GPR39: variants seen among roughly 807,000 people sequenced by gnomAD.
The protein encoded by GPR39 is G protein-coupled receptor 39, also known as zinc sensing receptor.
In GPR39, 23 loss-of-function variants were observed where a neutral mutation model predicts 18.4. The ratio of observed to expected loss-of-function variants is 1.25; its 90% CI spans 0.90 to 1.77. GPR39 has a LOEUF of 1.77. Ranked by LOEUF, GPR39 falls within the 40% of genes most tolerant of loss-of-function variation. The pLI is 0.00. For synonymous variants in GPR39, 280 were observed against 257.9 expected, an observed-to-expected ratio of 1.09 and a Z score of -0.82; for missense variants, 647 against 602.4, an observed-to-expected ratio of 1.07 and a Z score of -0.78.
At position 132,450,914 on chromosome 2, in the gene GPR39, TA is replaced by T. The variant is rs1680620013; in HGVS notation, c.856+33017del. ...TGGTGAAAGGTGCCTGAGTTTTCCTTAGCAACCTAATTCTGTTTGCCTTATG... is the reference window on the plus strand; with the variant it reads ...TGGTGAAAGGTGCCTGAGTTTTCCTTGCAACCTAATTCTGTTTGCCTTATG... On this transcript the variant is annotated intron_variant, in intron 1 of 1. Transcript: ENST00000329321. Among the ~76,000 whole-genome samples, 3 of 152,226 alleles carry T rather than the reference TA, an allele frequency of 2.0e-5. No homozygotes were observed. In the South Asian group the frequency reaches 6.2e-4, roughly 32 times the overall value.
chr2:132,616,962 C>A (rs1681347033), intron 1 of GPR39, among the ~76,000 whole-genome samples: 1 of 152,234 alleles, frequency 6.6e-6, no homozygotes, highest in African/African-American at 2.4e-5. Flanking sequence ...AACACAAATG[C>A]ACCAACACAA....
intron 1 of GPR39, among the ~76,000 whole-genome samples, chr2:132,593,494 C>T (rs1025810632): frequency 6.6e-6 from 1 of 152,158 alleles, no homozygotes; most frequent in Non-Finnish European, 1.5e-5. Flanking sequence ...ACATTGCTCT[C>T]TCTTCAGAAA....
At chr2:132,546,839 CAAAAAAAAAAAAAAA>C (rs60267293) in intron 1 of GPR39, among the ~76,000 whole-genome samples, 1 of 33,956 alleles carries the variant, frequency 2.9e-5, no homozygotes, top group Non-Finnish European at 6.0e-5. Context: ...AGCTCCACAG[CAAAAAAAAAAAAAAA>C]AAAAAAAAAA....
At chr2:132,594,199 G>A (rs540605270) in intron 1 of GPR39, among the ~76,000 whole-genome samples, 4 of 152,226 alleles carry the variant, frequency 2.6e-5, no homozygotes, top group Admixed American at 1.3e-4. Flanking sequence ...ATAACCAGGG[G>A]TGGGGAGCAG....
At chr2:132,476,462 C>G (rs887792289) in intron 1 of GPR39, among the ~76,000 whole-genome samples, 1 of 151,632 alleles carries the variant, frequency 6.6e-6, no homozygotes, top group African/African-American at 2.4e-5. Context: ...ATGGTGAAAC[C>G]CTGTCTCCAC....
chr2:132,506,214 C>T (rs1679133971), intron 1 of GPR39, among the ~76,000 whole-genome samples: 1 of 151,680 alleles, frequency 6.6e-6, no homozygotes, highest in African/African-American at 2.4e-5. Context: ...GGAGAAATGT[C>T]TATGCATGTC....
chr2:132,493,433 A>G (rs891097468), intron 1 of GPR39, among the ~76,000 whole-genome samples: 2 of 147,538 alleles, frequency 1.4e-5, no homozygotes, highest in African/African-American at 5.0e-5. Flanking sequence ...CGCCATATAT[A>G]CACACACCAT....
chr2:132,559,738 C>T (rs1573667079), intron 1 of GPR39, among the ~76,000 whole-genome samples: 1 of 152,170 alleles, frequency 6.6e-6, no homozygotes, highest in South Asian at 2.1e-4. Flanking sequence ...CAAATACTGT[C>T]GTTGGAAAAG....
chr2:132,594,136 C>T (rs1005394488), intron 1 of GPR39, among the ~76,000 whole-genome samples: 6 of 152,136 alleles, frequency 3.9e-5, no homozygotes, highest in Admixed American at 1.3e-4. Context: ...CCTTGCACTA[C>T]CTTATCACTG....
At position 132,493,531 on chromosome 2, in the gene GPR39, C is replaced by CCATATATATATAT. The variant is rs1558815528; in HGVS notation, c.856+75633_856+75634insCATATATATATAT. Among the ~76,000 whole-genome samples the CCATATATATATAT allele has an allele frequency of 7.7e-5, 11 of 142,078 alleles. 1 individual carries two copies. The highest frequency in any genetic ancestry group is 3.1e-4 in the African/African-American group (11 of 35,196). 93.2% of individuals were successfully genotyped at this position (142,078 alleles called of 152,430 possible). On this transcript the variant is annotated intron_variant, in intron 1 of 1. Coordinates refer to ENST00000329321, the MANE Select transcript of GPR39 (RefSeq NM_001508.3). ...ATATATATATATATATATATATACACACACCATATATATATATATGGTAGC... is the reference window on the plus strand; with the variant it reads ...ATATATATATATATATATATATACACCATATATATATATACACCATATATATATATATGGTAGC...
At chr2:132,482,288 A>G (rs1681249889) in intron 1 of GPR39, among the ~76,000 whole-genome samples, 1 of 152,020 alleles carries the variant, frequency 6.6e-6, no homozygotes, top group African/African-American at 2.4e-5. Context: ...TTTTTTATTC[A>G]TTCATTTTTG....
intron 1 of GPR39, among the ~76,000 whole-genome samples, chr2:132,473,551 T>C (rs746123895): frequency 6.6e-6 from 1 of 152,130 alleles, no homozygotes; most frequent in African/African-American, 2.4e-5. Context: ...CCATCACTAA[T>C]GGATATTGAA....
intron 1 of GPR39, among the ~76,000 whole-genome samples, chr2:132,587,900 G>C (rs1049385982): frequency 1.3e-5 from 2 of 152,140 alleles, no homozygotes; most frequent in South Asian, 2.1e-4. Context: ...TCTGGTGATG[G>C]AACAGAGAGG....
chr2:132,580,987 CCAAAAAAAAACAA>C (rs1426990185), intron 1 of GPR39, among the ~76,000 whole-genome samples: 1 of 137,032 alleles, frequency 7.3e-6, no homozygotes, highest in African/African-American at 3.1e-5. Flanking sequence ...AAAAAAAACA[CCAAAAAAAAACAA>C]CAAAAAAACT....
At chr2:132,633,838 G>T (rs911575025) in intron 1 of GPR39, among the ~76,000 whole-genome samples, 1 of 152,028 alleles carries the variant, frequency 6.6e-6, no homozygotes, top group African/African-American at 2.4e-5. Flanking sequence ...AGGTGGAGGT[G>T]ATGATGTTGG....
chr2:132,602,173 A>C (rs1193257630), intron 1 of GPR39, among the ~76,000 whole-genome samples: 1 of 152,146 alleles, frequency 6.6e-6, no homozygotes, highest in African/African-American at 2.4e-5. Context: ...CCAACACAGC[A>C]TAATGGTATA....
At chr2:132,624,333 G>A (rs1360371709) in intron 1 of GPR39, among the ~76,000 whole-genome samples, 1 of 152,070 alleles carries the variant, frequency 6.6e-6, no homozygotes, top group African/African-American at 2.4e-5. Context: ...TAATTGCCTC[G>A]TTAAGACCCT....
rs571633142 is a variant in GPR39 at position 132,590,961 on chromosome 2, A to AGAGGAACAG, written c.857-54138_857-54130dup. On this transcript the variant is annotated intron_variant, in intron 1 of 1. Transcript: ENST00000329321. The stretch of plus-strand genomic sequence containing the variant: ...CTGCCAGCACAGCTAGGATAAAAAC[A>AGAGGAACAG]GAGGAACAGGCCGGGCGCGGTGGCT... Among the ~76,000 whole-genome samples the AGAGGAACAG allele has an allele frequency of 8.5e-5, 13 of 152,204 alleles. No homozygotes were observed. The South Asian group carries it at 2.7e-3, about 32-fold the overall frequency.
chr2:132,508,421 C>T (rs926464837), intron 1 of GPR39, among the ~76,000 whole-genome samples: 7 of 152,056 alleles, frequency 4.6e-5, no homozygotes, highest in East Asian at 1.9e-4. Context: ...TTTCTGAGGT[C>T]GTGCCTGAGC....
Sources: allele counts gnomAD v4.1 joint callset (sites outside exome capture counted in the v4.1 genomes callset), GRCh38; gene constraint gnomAD v4.1.1; transcripts MANE v1.5; gene names NCBI Gene and HGNC (gene_info 2026-07-23, HGNC 2026-07-21).